RPL6: variants seen among roughly 807,000 people sequenced by gnomAD.
RPL6 encodes the protein ribosomal protein L6.
Under a neutral mutation model 32.1 loss-of-function variants are expected in RPL6, and 1 was observed. The observed-to-expected ratio is 0.03, with a 90% confidence interval of 0.01 to 0.15. The LOEUF is 0.15. Among genes scored for constraint, RPL6 ranks in the 10% least tolerant of loss-of-function variants. The probability of loss-of-function intolerance (pLI) is 1.00; values close to 1 mark genes in which losing one functional copy is unlikely to be tolerated. For synonymous variants in RPL6, 126 were observed against 131.6 expected (o/e 0.96, Z 0.29); for missense variants, 275 against 354.6 (o/e 0.78, Z 1.80).
intron 5 of RPL6, 24 bp from the exon 6 acceptor site, chr12:112,406,061 C>T: frequency 6.3e-7 from 1 of 1,581,008 alleles, no homozygotes; most frequent in African/African-American, 1.4e-5. Flanking sequence ...ATTAATTTAG[C>T]AAGGAAAAGG....
Position 112,405,273 on chromosome 12 carries a change from G to C in RPL6, c.818C>G (p.Ser273Cys). Reference protein sequence around the residue: ...AIPQLQGYLRSVFALTNGIYP... With the variant: ...AIPQLQGYLRCVFALTNGIYP... ...AATTCCATTCGTCAGAGCAAACACA[G>C]ATCGCAGGTAGCCCTGGAGCTGAGG... Residue 273 changes from serine (S) to cysteine (C), a missense_variant, in exon 7 of 7, where the codon TCT (serine) becomes TGT (cysteine). Coordinates refer to ENST00000202773, the MANE Select transcript of RPL6 (RefSeq NM_000970.6). 4 of 1,607,248 alleles carry C rather than the reference G, an allele frequency of 2.5e-6. No individual in the cohort carries two copies. Among genetic ancestry groups the C allele is most frequent in the Non-Finnish European group, 3.4e-6 (4 of 1,178,068 alleles).
At chr12:112,412,955 T>A (rs1293710906), upstream of RPL6, among the ~76,000 whole-genome samples, 2 of 149,812 alleles carry the variant, frequency 1.3e-5, no homozygotes, top group Admixed American at 1.3e-4. Flanking sequence ...AATAAATAAA[T>A]AAATAGAAAA....
At chr12:112,405,413 AC>A in intron 6 of RPL6, 37 bp from the exon 7 acceptor site, 1 of 1,602,492 alleles carries the variant, frequency 6.2e-7, no homozygotes, top group Admixed American at 1.8e-5. Context: ...TAAAACAGGC[AC>A]ATACCAAATT....
At chr12:112,410,263 G>A (rs1451573804), upstream of RPL6, 1 of 251,060 alleles carries the variant, frequency 4.0e-6, no homozygotes, top group Non-Finnish European at 8.0e-6. Flanking sequence ...GGGCTGCAGT[G>A]CAGTGAACTC....
upstream of RPL6, among the ~76,000 whole-genome samples, chr12:112,412,292 A>G (rs2037350685): frequency 6.7e-6 from 1 of 149,040 alleles, no homozygotes; most frequent in Non-Finnish European, 1.5e-5. Flanking sequence ...GCCCGCCTCG[A>G]CCTCCCAAAG....
chr12:112,408,718 A>G, intron 1 of RPL6, 62 bp from the exon 2 acceptor site: 1 of 1,403,838 alleles, frequency 7.1e-7, no homozygotes, highest in Non-Finnish European at 9.6e-7. Context: ...TAACAAGACA[A>G]TAATGAACCT....
At chr12:112,411,455 A>G (rs996130447), upstream of RPL6, 3 of 152,228 alleles carry the variant, frequency 2.0e-5, no homozygotes, top group East Asian at 5.8e-4. Context: ...GAGGATACAA[A>G]TACAATGATC....
intron 1 of RPL6, chr12:112,409,167 G>A (rs2037280651): frequency 3.2e-6 from 1 of 311,184 alleles, no homozygotes; most frequent in African/African-American, 2.1e-5. Flanking sequence ...AGACCAAGAG[G>A]CGACTTCCGG....
rs2037124740 is a variant in RPL6 at position 112,405,239 on chromosome 12, G to A, written c.852C>T (p.His284=). Residue 284 remains histidine (H), a synonymous_variant, in exon 7 of 7, where the codon CAC becomes CAT. Coordinates refer to ENST00000202773, the MANE Select transcript of RPL6 (RefSeq NM_000970.6). The stretch of plus-strand genomic sequence containing the variant: ...CTTAAGACATTTAGAACACCAATTT[G>A]TGAGGATAAATTCCATTCGTCAGAG... ...VFALTNGIYP[H]KLVF is the part of the protein sequence containing the mutation. 1.9e-6 allele frequency: 3 copies of A among 1,571,426 alleles called. No individual in the cohort carries two copies. In the South Asian group the frequency reaches 3.5e-5, roughly 18 times the overall value.
intron 1 of RPL6, among the ~76,000 whole-genome samples, chr12:112,418,108 C>T (rs924690346): frequency 2.8e-4 from 42 of 149,490 alleles, no homozygotes; most frequent in African/African-American, 9.6e-4. Context: ...GACTCCCAAG[C>T]AGCTGGGACT....
At chr12:112,415,802 A>G (rs2135811890) in intron 1 of RPL6, among the ~76,000 whole-genome samples, 1 of 151,464 alleles carries the variant, frequency 6.6e-6, no homozygotes, top group Non-Finnish European at 1.5e-5. Context: ...TGGGCTCAAG[A>G]AATCCTCCCA....
At chr12:112,410,012 A>G (rs1293438612), upstream of RPL6, among the ~76,000 whole-genome samples, 5 of 151,586 alleles carry the variant, frequency 3.3e-5, no homozygotes, top group Non-Finnish European at 4.4e-5. Context: ...AAAAAAGAAA[A>G]AAAAAAAAAA....
intron 1 of RPL6, among the ~76,000 whole-genome samples, chr12:112,416,985 A>T (rs922418686): frequency 1.3e-5 from 2 of 152,234 alleles, no homozygotes; most frequent in Admixed American, 1.3e-4. Context: ...GGCAAGCATT[A>T]AAAAAATGAG....
At chr12:112,413,135 T>C (rs751678752), upstream of RPL6, among the ~76,000 whole-genome samples, 3 of 152,184 alleles carry the variant, frequency 2.0e-5, no homozygotes, top group Non-Finnish European at 2.9e-5. Context: ...GTTTGTTATT[T>C]AGTTTGTTGC....
intron 1 of RPL6, chr12:112,409,035 C>T (rs527615032): frequency 4.0e-6 from 1 of 249,560 alleles, no homozygotes; most frequent in East Asian, 8.2e-5. Context: ...ACTTGAAATC[C>T]CTTACTTTCA....
chr12:112,408,013 C>G, intron 3 of RPL6: 1 of 533,586 alleles, frequency 1.9e-6, no homozygotes, highest in Non-Finnish European at 3.3e-6. Flanking sequence ...AGCCACCACA[C>G]TCAGCCTCAT....
At position 112,405,257 on chromosome 12, in the gene RPL6, C is replaced by A. The variant is rs779525048; in HGVS notation, c.834G>T (p.Thr278=). ...QGYLRSVFAL[T]NGIYPHKLVF is the part of the protein sequence containing the mutation. ...CCAATTTGTGAGGATAAATTCCATT[C>A]GTCAGAGCAAACACAGATCGCAGGT... The change falls in exon 7 of 7, where the codon ACG becomes ACT. Residue 278 remains threonine (T), a synonymous_variant. Coordinates refer to ENST00000202773, the MANE Select transcript of RPL6 (RefSeq NM_000970.6). The A allele has an allele frequency of 1.3e-6, 2 of 1,590,308 alleles. No individual in the cohort carries two copies. Among genetic ancestry groups the A allele is most frequent in the East Asian group, 4.5e-5 (2 of 44,740 alleles).
intron 1 of RPL6, chr12:112,418,328 C>T: frequency 6.5e-6 from 1 of 152,904 alleles, no homozygotes; most frequent in Non-Finnish European, 1.5e-5. Context: ...GGGTGTAGTG[C>T]AGTGGCGTGA....
upstream of RPL6, among the ~76,000 whole-genome samples, chr12:112,414,969 T>C (rs1566147816): frequency 2.0e-5 from 3 of 152,068 alleles, no homozygotes; most frequent in Admixed American, 6.6e-5. Flanking sequence ...ATACGGCTCT[T>C]AGATTTATAG....
Sources: allele counts gnomAD v4.1 joint callset (sites outside exome capture counted in the v4.1 genomes callset), GRCh38; gene constraint gnomAD v4.1.1; transcripts MANE v1.5; gene names NCBI Gene and HGNC (gene_info 2026-07-23, HGNC 2026-07-21).